DAB1: variants seen among roughly 807,000 people sequenced by gnomAD.
DAB1 encodes disabled homolog 1.
DAB1 carries 15 observed loss-of-function variants against 64.6 expected under a neutral mutation model. The ratio of observed to expected loss-of-function variants is 0.23; its 90% CI spans 0.16 to 0.36. The LOEUF is 0.36. Among genes scored for constraint, DAB1 ranks in the 10% least tolerant of loss-of-function variants. The pLI is 1.00. For synonymous variants in DAB1, 235 were observed against 251.9 expected (o/e 0.93, Z 0.64); for missense variants, 596 against 706.7 (o/e 0.84, Z 1.78).
intron 5 of DAB1, among the ~76,000 whole-genome samples, chr1:58,037,328 G>T (rs942538309): frequency 8.5e-5 from 13 of 152,170 alleles, no homozygotes; most frequent in East Asian, 1.9e-4. Context: ...CTGAGGCGGG[G>T]TCTATGCTGC....
At chr1:57,771,311 G>A (rs1649551456) in intron 6 of DAB1, among the ~76,000 whole-genome samples, 1 of 152,072 alleles carries the variant, frequency 6.6e-6, no homozygotes, top group Non-Finnish European at 1.5e-5. Context: ...AGAAAATGGT[G>A]TAATTTATCC....
rs534269354 is a variant in DAB1, at chr1:58,083,430, C to T, written n.387+67081G>A. On this transcript the variant is annotated intron_variant and non_coding_transcript_variant, in intron 5 of 20. Coordinates refer to the DAB1 transcript ENST00000485760. ...CCAGAGCTGGTTTCATCATCTATGC[C>T]GCACAATGCCCAGTGTGCGGGGCAG... Among the ~76,000 whole-genome samples the T allele has an allele frequency of 1.8e-4, 28 of 152,258 alleles. No homozygotes were observed. In the East Asian group the frequency reaches 5.4e-3, roughly 29 times the overall value.
intron 2 of DAB1, among the ~76,000 whole-genome samples, chr1:57,162,799 T>G (rs1421473488): frequency 6.6e-6 from 1 of 152,220 alleles, no homozygotes; most frequent in Admixed American, 6.5e-5. Context: ...AATTATTTCT[T>G]TAGAGTACAA....
At chr1:58,533,652 T>C (rs1646471257) in intron 1 of DAB1, among the ~76,000 whole-genome samples, 1 of 152,180 alleles carries the variant, frequency 6.6e-6, no homozygotes. Flanking sequence ...TTAATAATTA[T>C]AGAAAGTTTA....
chr1:58,241,937 A>G (rs1660315763), intron 4 of DAB1, among the ~76,000 whole-genome samples: 1 of 152,134 alleles, frequency 6.6e-6, no homozygotes, highest in Non-Finnish European at 1.5e-5. Context: ...TGAAAAGTGC[A>G]TACACTTGGA....
chr1:57,197,355 AAAAG>A (rs1228899902), intron 2 of DAB1, among the ~76,000 whole-genome samples: 5 of 149,860 alleles, frequency 3.3e-5, no homozygotes, highest in East Asian at 1.9e-4. Context: ...AAAAAAAAAA[AAAAG>A]AAAGAAAGTT....
chr1:57,340,038 C>G (rs1438978961), intron 1 of DAB1, among the ~76,000 whole-genome samples: 1 of 152,102 alleles, frequency 6.6e-6, no homozygotes, highest in Non-Finnish European at 1.5e-5. Context: ...GCTGGTCACT[C>G]AAACCTGTTT....
intron 7 of DAB1, among the ~76,000 whole-genome samples, chr1:57,561,277 C>T (rs563812652): frequency 1.3e-5 from 2 of 152,196 alleles, no homozygotes; most frequent in Non-Finnish European, 1.5e-5. Flanking sequence ...TGTAGCACTA[C>T]AGCCCCTTTC....
chr1:58,049,170 G>A (rs547610137), intron 5 of DAB1: 863 of 778,504 alleles, frequency 1.1e-3, no homozygotes, highest in Non-Finnish European at 1.7e-3. Flanking sequence ...CACACAGTCC[G>A]TGAGCGTTCC....
chr1:57,598,159 T>G (rs905125297), intron 7 of DAB1, among the ~76,000 whole-genome samples: 6 of 152,166 alleles, frequency 3.9e-5, no homozygotes, highest in African/African-American at 7.2e-5. Context: ...ATTTTTTGTA[T>G]TTTTAGTAAA....
intron 2 of DAB1, chr1:58,506,324 A>C (rs771553829): frequency 1.8e-4 from 112 of 612,856 alleles, no homozygotes; most frequent in Non-Finnish European, 2.3e-4. Context: ...TTTAGGGTAC[A>C]TGTGCACAAC....
At chr1:58,077,282 TA>T (rs1160939801) in intron 5 of DAB1, among the ~76,000 whole-genome samples, 1 of 152,006 alleles carries the variant, frequency 6.6e-6, no homozygotes, top group African/African-American at 2.4e-5. Flanking sequence ...AGCAAATAGG[TA>T]AAACACCAAA....
rs530073870 is a variant in DAB1 at position 58,390,818 on chromosome 1, G to GT, written n.258-47416dup. 3.6e-3 allele frequency among the ~76,000 whole-genome samples: 552 copies of GT among 152,220 alleles called. 5 individuals are homozygous for GT. The highest frequency in any genetic ancestry group is 0.013 in the African/African-American group (523 of 41,522). Reference sequence around the variant, plus strand: ...GGAAACTGAGGCACACAGAGGTGAAGTAAGTCATTCAGGGTCACGCAGGTG... The same window carrying GT: ...GGAAACTGAGGCACACAGAGGTGAAGTTAAGTCATTCAGGGTCACGCAGGTG... On this transcript the variant is annotated intron_variant and non_coding_transcript_variant, in intron 3 of 20. Coordinates refer to the DAB1 transcript ENST00000485760.
At chr1:58,535,470 C>A (rs1311086397) in intron 1 of DAB1, among the ~76,000 whole-genome samples, 1 of 151,948 alleles carries the variant, frequency 6.6e-6, no homozygotes, top group Non-Finnish European at 1.5e-5. Context: ...GTGGCGCACG[C>A]CTGTAGTCCC....
chr1:57,810,874 T>C (rs980056175), intron 6 of DAB1, among the ~76,000 whole-genome samples: 3 of 152,222 alleles, frequency 2.0e-5, no homozygotes, highest in Non-Finnish European at 2.9e-5. Context: ...CTGTAGACCA[T>C]AGGTCTGAAC....
chr1:57,378,828 C>T (rs1681122009), intron 1 of DAB1, among the ~76,000 whole-genome samples: 1 of 152,146 alleles, frequency 6.6e-6, no homozygotes, highest in Non-Finnish European at 1.5e-5. Context: ...ATATGTTTAA[C>T]CATCTTTTTC....
intron 7 of DAB1, among the ~76,000 whole-genome samples, chr1:57,503,733 A>G (rs1055681516): frequency 5.9e-5 from 9 of 152,160 alleles, no homozygotes; most frequent in African/African-American, 1.9e-4. Context: ...CTGAAACACT[A>G]CTGTACACAT....
chr1:58,173,850 G>T (rs74075938), intron 4 of DAB1, among the ~76,000 whole-genome samples: 1 of 151,890 alleles, frequency 6.6e-6, no homozygotes, highest in Non-Finnish European at 1.5e-5. Flanking sequence ...GACCCTATCA[G>T]TACCCCTCAA....
At chr1:57,622,693 C>T (rs1645874857) in intron 7 of DAB1, among the ~76,000 whole-genome samples, 1 of 152,158 alleles carries the variant, frequency 6.6e-6, no homozygotes, top group South Asian at 2.1e-4. Flanking sequence ...TAGCTTAATT[C>T]CAAAGCTGAT....
Sources: allele counts gnomAD v4.1 joint callset (sites outside exome capture counted in the v4.1 genomes callset), GRCh38; gene constraint gnomAD v4.1.1; transcripts MANE v1.5; gene names NCBI Gene and HGNC (gene_info 2026-07-23, HGNC 2026-07-21).